The following SVEP1 variants were observed in gnomAD, a reference collection of about 807,000 sequenced individuals.
SVEP1 encodes sushi, von Willebrand factor type A, EGF and pentraxin domain-containing protein 1.
In SVEP1, 164 loss-of-function variants were observed where a neutral mutation model predicts 367.3. The ratio of observed to expected loss-of-function variants is 0.45; its 90% CI spans 0.39 to 0.51. The LOEUF (loss-of-function observed/expected upper bound fraction) is 0.51, where lower values mean the gene tolerates loss of function less well. Ranked by LOEUF, SVEP1 falls within the 20% of genes least tolerant of loss-of-function variation. The pLI, the probability that SVEP1 is intolerant of heterozygous loss-of-function variation, is 0.00. For missense variants in SVEP1, 4,117 were observed against 4,425.3 expected, an observed-to-expected ratio of 0.93 and a Z score of 1.98; for synonymous variants, 1,666 against 1,611.6, an observed-to-expected ratio of 1.03 and a Z score of -0.81.
At chr9:110,496,955 G>A in intron 7 of SVEP1, 22 bp from the exon 8 acceptor site, 4 of 1,447,018 alleles carry the variant, frequency 2.8e-6, no homozygotes, top group Non-Finnish European at 3.8e-6. Flanking sequence ...AAATACACAA[G>A]TAGATTAATA....
At chr9:110,461,593 T>C (rs1226453488) in intron 18 of SVEP1, among the ~76,000 whole-genome samples, 1 of 151,330 alleles carries the variant, frequency 6.6e-6, no homozygotes, top group Non-Finnish European at 1.5e-5. Context: ...TTTTAATTGA[T>C]TTGAGAAAAA....
At chr9:110,497,695 G>A (rs999573210) in intron 7 of SVEP1, among the ~76,000 whole-genome samples, 13 of 152,218 alleles carry the variant, frequency 8.5e-5, no homozygotes, top group African/African-American at 3.1e-4. Flanking sequence ...TTATACTATG[G>A]TGCTGAATTA....
Position 110,481,407 on chromosome 9 carries a change from C to A in SVEP1, c.2200G>T (p.Val734Leu). ...GGAGTGCATATAAAATCCCCATTTA[C>A]AGGTGTGAATGGAATTTCACAGGGA... ...GSPCEIPFTPVNGDFICTPDN... is the reference protein window; with the variant it reads ...GSPCEIPFTPLNGDFICTPDN... The change falls in exon 12 of 48, where the codon GTA becomes TTA. Residue 734 changes from valine to leucine, a missense_variant. By Grantham distance (32) the Val-to-Leu change is conservative. Around this residue, in one of 4 missense-constraint regions of SVEP1, gnomAD observed 2,174 missense variants for 2,494.3 expected, o/e 0.87. Transcript: ENST00000374469. The A allele has an allele frequency of 6.3e-7, 1 of 1,597,644 alleles. No individual in the cohort carries two copies. Among genetic ancestry groups the A allele is most frequent in the Non-Finnish European group, 8.5e-7 (1 of 1,171,302 alleles).
At chr9:110,478,083 T>C (rs1253917348) in intron 13 of SVEP1, among the ~76,000 whole-genome samples, 3 of 152,170 alleles carry the variant, frequency 2.0e-5, no homozygotes, top group Admixed American at 1.3e-4. Flanking sequence ...ATCTTTACGG[T>C]GGTTCAAACT....
In SVEP1 at chr9:110,408,169, G is replaced by A; in HGVS notation, c.7431C>T (p.Thr2477=). 1.2e-6 allele frequency: 2 copies of A among 1,613,912 alleles called. No homozygotes were observed. Among genetic ancestry groups the A allele is most frequent in the Non-Finnish European group, 1.7e-6 (2 of 1,179,862 alleles). The stretch of plus-strand genomic sequence containing the variant: ...AGTGACCATTTTCTCCACAAAGGGT[G>A]GTAGTATTTCCCACCAATTCAAAGC... ...KPGFELVGNT[T]TLCGENGHWL... The change falls in exon 38 of 48, where the codon ACC becomes ACT. Residue 2477 remains threonine (T), a synonymous_variant. Transcript: ENST00000374469.
At chr9:110,513,757 C>T (rs1049540045) in intron 4 of SVEP1, among the ~76,000 whole-genome samples, 191 bp downstream of exon 4, 2 of 152,072 alleles carry the variant, frequency 1.3e-5, no homozygotes, top group African/African-American at 4.8e-5. Context: ...TCCCCTTTCT[C>T]TGGAGCAGGA....
At position 110,492,272 on chromosome 9, in the gene SVEP1, T is replaced by C. The variant is rs79874740; in HGVS notation, c.1801-2493A>G. On this transcript the variant is annotated intron_variant, in intron 8 of 47. Transcript: ENST00000374469. The stretch of plus-strand genomic sequence containing the variant: ...TACTCAGTGTGAAAAATTGTGGTCG[T>C]TAGGATTCAGGTGTTATCAAAGATT... Among the ~76,000 whole-genome samples the C allele has an allele frequency of 5.7e-3, 870 of 152,184 alleles. 7 individuals carry two copies. Among genetic ancestry groups the C allele is most frequent in the African/African-American group, 0.02 (820 of 41,538 alleles).
rs1436880933 is a variant in SVEP1, at chr9:110,390,303, ATATAAGTATGTG to A, written c.9823-728_9823-717del. 1.2e-3 allele frequency among the ~76,000 whole-genome samples: 138 copies of A among 116,150 alleles called. 6 individuals carry two copies. The East Asian group carries it at 0.04, about 33-fold the overall frequency. 76.2% of individuals were successfully genotyped at this position (116,150 alleles called of 152,430 possible). A position where few individuals can be genotyped will look rare whatever the true frequency, so the allele number is the denominator to read the frequency against. The stretch of plus-strand genomic sequence containing the variant: ...TATATATACATACTTATATATACTT[ATATAAGTATGTG>A]TATATATACTTATATATACACATAC... On this transcript the variant is annotated intron_variant, in intron 40 of 47. Transcript: ENST00000374469.
intron 1 of SVEP1, among the ~76,000 whole-genome samples, chr9:110,571,604 A>C (rs1797571067): frequency 6.6e-6 from 1 of 152,206 alleles, no homozygotes; most frequent in African/African-American, 2.4e-5. Context: ...TTGAGAAAGA[A>C]ATAAATGTCC....
chr9:110,459,691 C>A (rs1828828220), intron 18 of SVEP1, among the ~76,000 whole-genome samples: 1 of 151,982 alleles, frequency 6.6e-6, no homozygotes, highest in African/African-American at 2.4e-5. Flanking sequence ...AGTGCCAAAT[C>A]ATTAAAAAAA....
intron 24 of SVEP1, 99 bp from the exon 25 acceptor site, chr9:110,447,156 G>A: frequency 2.6e-6 from 3 of 1,146,692 alleles, no homozygotes; most frequent in Non-Finnish European, 3.4e-6. Context: ...TGAAATGCTG[G>A]AACACATTTT....
intron 5 of SVEP1, among the ~76,000 whole-genome samples, chr9:110,505,266 A>T (rs892644716): frequency 6.6e-6 from 1 of 152,124 alleles, no homozygotes; most frequent in African/African-American, 2.4e-5. Flanking sequence ...TGCCCACTCA[A>T]ACCCAACAAT....
At chr9:110,381,585 T>A (rs1827437641) in intron 43 of SVEP1, among the ~76,000 whole-genome samples, 1 of 152,218 alleles carries the variant, frequency 6.6e-6, no homozygotes, top group South Asian at 2.1e-4. Flanking sequence ...TTGTTTTGCA[T>A]TTGCTGAGGA....
intron 21 of SVEP1, among the ~76,000 whole-genome samples, chr9:110,456,735 T>C (rs1564148068): frequency 6.6e-6 from 1 of 152,204 alleles, no homozygotes; most frequent in Non-Finnish European, 1.5e-5. Context: ...AAGTCAAATG[T>C]GAACCAAACT....
At chr9:110,472,456 G>T (rs1829035668) in intron 14 of SVEP1, 133 bp from the exon 15 acceptor site, 5 of 789,774 alleles carry the variant, frequency 6.3e-6, no homozygotes, top group Non-Finnish European at 7.5e-6. Context: ...TGCATACAGG[G>T]TTTGGTCTAC....
chr9:110,530,003 G>A (rs552736688), intron 3 of SVEP1, among the ~76,000 whole-genome samples: 1 of 67,442 alleles, frequency 1.5e-5, no homozygotes, highest in Admixed American at 2.1e-4. Context: ...TATCACATAT[G>A]GCTTTTATAT....
chr9:110,435,208 A>G (rs1432876908), intron 29 of SVEP1, 33 bp downstream of exon 29: 1 of 1,608,488 alleles, frequency 6.2e-7, no homozygotes. Context: ...TGGTCAAGAG[A>G]TAGTGGAGTC....
At chr9:110,410,584 G>A (rs1316655078) in intron 37 of SVEP1, among the ~76,000 whole-genome samples, 1 of 152,112 alleles carries the variant, frequency 6.6e-6, no homozygotes, top group East Asian at 1.9e-4. Context: ...CCTATTTAGG[G>A]CTAAGCTGTT....
rs534200982 is a variant in SVEP1, at chr9:110,527,400, C to A, written c.965-13294G>T. On this transcript the variant is annotated intron_variant, in intron 3 of 47. Transcript: ENST00000374469. ...ATTTTTTAAAGGATTTTTATTTTTT[C>A]TTTAATGATCGATTCCTAAAAATTA... Among the ~76,000 whole-genome samples, 12 of 151,892 alleles carry A rather than the reference C, an allele frequency of 7.9e-5. No homozygotes were observed. The South Asian group carries it at 2.5e-3, about 32-fold the overall frequency.
Sources: gnomAD v4.1 joint callset for allele counts (sites outside exome capture counted in the v4.1 genomes callset) on GRCh38, gnomAD v4.1.1 for gene constraint, gnomAD v4.1.1 regional missense constraint, MANE v1.5 for transcripts, NCBI Gene and HGNC (gene_info 2026-07-23, HGNC 2026-07-21) for gene names.